The following DLGAP1 variants were observed in gnomAD, a reference collection of about 807,000 sequenced individuals.
DLGAP1 encodes disks large-associated protein 1.
Under a neutral mutation model 90.8 loss-of-function variants are expected in DLGAP1, and 11 were observed. The observed-to-expected ratio is 0.12, with a 90% CI of 0.08 to 0.20. The LOEUF (loss-of-function observed/expected upper bound fraction) is 0.20. Among genes scored for constraint, DLGAP1 ranks in the 10% least tolerant of loss-of-function variants. DLGAP1 has a pLI of 1.00. For missense variants in DLGAP1, 1,050 were observed against 1,333.8 expected, an observed-to-expected ratio of 0.79 and a Z score of 3.31; for synonymous variants, 558 against 540.7, an observed-to-expected ratio of 1.03 and a Z score of -0.44.
At chr18:4,419,620 A>C (rs1056378864) in intron 1 of DLGAP1, among the ~76,000 whole-genome samples, 2 of 150,814 alleles carry the variant, frequency 1.3e-5, no homozygotes, top group African/African-American at 4.9e-5. Context: ...TTTCAATGTT[A>C]AATTTATGAA....
At chr18:4,136,908 T>A (rs2076410977) in intron 2 of DLGAP1, among the ~76,000 whole-genome samples, 1 of 152,158 alleles carries the variant, frequency 6.6e-6, no homozygotes, top group Non-Finnish European at 1.5e-5. Context: ...TGATGTGGTT[T>A]TTTTATTATA....
chr18:4,031,426 C>T (rs1010815696), intron 2 of DLGAP1, among the ~76,000 whole-genome samples: 1 of 152,066 alleles, frequency 6.6e-6, no homozygotes, highest in African/African-American at 2.4e-5. Context: ...AAATAATGGC[C>T]CCCTCATGAA....
At chr18:3,719,034 A>C (rs1032942067) in intron 7 of DLGAP1, among the ~76,000 whole-genome samples, 2 of 152,132 alleles carry the variant, frequency 1.3e-5, no homozygotes, top group African/African-American at 4.8e-5. Context: ...AAAAGTTTCT[A>C]AATTATATTT....
intron 1 of DLGAP1, among the ~76,000 whole-genome samples, chr18:4,374,518 T>C (rs2081977743): frequency 6.6e-6 from 1 of 152,098 alleles, no homozygotes; most frequent in Non-Finnish European, 1.5e-5. Flanking sequence ...ATTATGGCTA[T>C]ACAAGAGAAG....
intron 6 of DLGAP1, among the ~76,000 whole-genome samples, chr18:3,741,133 CCACATCACCATCACCAT>C (rs2062960052): frequency 2.7e-5 from 3 of 111,736 alleles, no homozygotes; most frequent in East Asian, 5.6e-4. Flanking sequence ...ACCACCACCA[CCACATCACCATCACCAT>C]CACCACCACC....
chr18:4,056,701 T>C (rs925818473), intron 2 of DLGAP1, among the ~76,000 whole-genome samples: 1 of 151,926 alleles, frequency 6.6e-6, no homozygotes, highest in African/African-American at 2.4e-5. Flanking sequence ...TCCAAAGAGG[T>C]TAAGACCCTA....
chr18:4,222,757 C>G (rs1400139401), intron 1 of DLGAP1, among the ~76,000 whole-genome samples: 1 of 146,868 alleles, frequency 6.8e-6, no homozygotes, highest in Non-Finnish European at 1.5e-5. Flanking sequence ...AAAAATGATA[C>G]AAGATGGAAG....
intron 7 of DLGAP1, among the ~76,000 whole-genome samples, chr18:3,678,189 T>A (rs1175312719): frequency 6.6e-6 from 1 of 152,146 alleles, no homozygotes; most frequent in African/African-American, 2.4e-5. Context: ...CTTGAACTCC[T>A]GACCTCCAGT....
chr18:3,751,047 C>T (rs1429339802), intron 5 of DLGAP1, among the ~76,000 whole-genome samples: 6 of 152,200 alleles, frequency 3.9e-5, no homozygotes, highest in African/African-American at 1.4e-4. Flanking sequence ...TTTGTGTACT[C>T]TTCAGATTTC....
chr18:3,876,073 T>G (rs1350884549), intron 4 of DLGAP1, among the ~76,000 whole-genome samples: 2 of 151,994 alleles, frequency 1.3e-5, no homozygotes, highest in African/African-American at 4.8e-5. Context: ...CCCTCTCTGT[T>G]TTCCCAAATT....
At chr18:4,328,523 C>A (rs1003605749) in intron 1 of DLGAP1, among the ~76,000 whole-genome samples, 1 of 151,914 alleles carries the variant, frequency 6.6e-6, no homozygotes, top group Non-Finnish European at 1.5e-5. Flanking sequence ...GAAAACAAGT[C>A]TTTGCATAAA....
intron 1 of DLGAP1, among the ~76,000 whole-genome samples, chr18:4,184,268 C>A (rs551819606): frequency 6.6e-6 from 1 of 152,106 alleles, no homozygotes; most frequent in Non-Finnish European, 1.5e-5. Context: ...ACCAAAACCC[C>A]TTGGGACGAA....
At chr18:4,257,026 C>T (rs576387534) in intron 1 of DLGAP1, among the ~76,000 whole-genome samples, 1 of 152,162 alleles carries the variant, frequency 6.6e-6, no homozygotes. Context: ...GACACACTGC[C>T]CAGGATGTGA....
At chr18:4,039,456 C>G (rs1023199256) in intron 2 of DLGAP1, among the ~76,000 whole-genome samples, 6 of 152,094 alleles carry the variant, frequency 3.9e-5, no homozygotes, top group African/African-American at 1.4e-4. Flanking sequence ...TTTCTCTTTC[C>G]TAAGAGAAAA....
intron 7 of DLGAP1, among the ~76,000 whole-genome samples, chr18:3,686,232 A>G (rs2060699317): frequency 1.3e-5 from 2 of 152,134 alleles, no homozygotes; most frequent in Non-Finnish European, 2.9e-5. Flanking sequence ...TAAAATGAAA[A>G]TAGAAAGAGA....
At chr18:3,843,347 A>G (rs1012064915) in intron 4 of DLGAP1, among the ~76,000 whole-genome samples, 1 of 152,176 alleles carries the variant, frequency 6.6e-6, no homozygotes, top group African/African-American at 2.4e-5. Flanking sequence ...AGCCTTGCAC[A>G]TTTTCACCCT....
intron 7 of DLGAP1, among the ~76,000 whole-genome samples, chr18:3,686,166 C>T (rs961451835): frequency 4.2e-5 from 6 of 143,714 alleles, no homozygotes; most frequent in African/African-American, 1.6e-4. Context: ...ACAGAGGAGA[C>T]TCCATTTCAA....
At chr18:3,546,536 A>G (rs1425358732) in intron 9 of DLGAP1, among the ~76,000 whole-genome samples, 1 of 152,222 alleles carries the variant, frequency 6.6e-6, no homozygotes, top group Admixed American at 6.5e-5. Flanking sequence ...GGTTCAAGAA[A>G]AAGTATGTTG....
chr18:3,906,847 G>A (rs1378233836), intron 3 of DLGAP1, among the ~76,000 whole-genome samples: 3 of 152,162 alleles, frequency 2.0e-5, no homozygotes, highest in Non-Finnish European at 4.4e-5. Context: ...GCAAGAAAGA[G>A]AACTTGGAAC....
Sources: allele counts gnomAD v4.1 joint callset (sites outside exome capture counted in the v4.1 genomes callset), GRCh38; gene constraint gnomAD v4.1.1; transcripts MANE v1.5; gene names NCBI Gene and HGNC (gene_info 2026-07-23, HGNC 2026-07-21).